EBF4: variants seen among roughly 807,000 people sequenced by gnomAD.
EBF4 encodes the protein EBF transcription factor 4, also known as transcription factor COE4.
Under a neutral mutation model 67.1 loss-of-function variants are expected in EBF4, and 34 were observed. That is an observed-to-expected ratio of 0.51 (90% CI 0.39 to 0.67). EBF4 has a LOEUF of 0.67. Among genes scored for constraint, EBF4 ranks in the 30% least tolerant of loss-of-function variants. The probability of loss-of-function intolerance (pLI) is 0.00; values close to 1 mark genes in which losing one functional copy is unlikely to be tolerated. For synonymous variants in EBF4, 387 were observed against 377.7 expected (o/e 1.02, Z -0.29); for missense variants, 837 against 873.3 (o/e 0.96, Z 0.52).
chr20:2,693,816 T>C lies in EBF4; in HGVS notation c.137+34T>C. 7.9e-7 allele frequency: 1 copy of C among 1,263,508 alleles called. No homozygotes were observed. The allele number at this position is 1,263,508 out of a possible 1,614,324, so 78.3% of individuals were successfully genotyped here. A position where few individuals can be genotyped will look rare whatever the true frequency, so the allele number is the denominator to read the frequency against. ...TCGGACCGGACCCGGTGCGCTCGGGTTGGACGGCTGCGCGCCGCCTCAGCT... is the reference window on the plus strand; with the variant it reads ...TCGGACCGGACCCGGTGCGCTCGGGCTGGACGGCTGCGCGCCGCCTCAGCT... On this transcript the variant is annotated intron_variant, in intron 1 of 16. Coordinates refer to ENST00000609451, the Ensembl canonical transcript of EBF4. This position sits in a 1 kb window ranked among gnomAD's most constrained non-coding sequence, Gnocchi z 4.6.
chr20:2,748,746 C>A (rs1215522149), intron 7 of EBF4, 116 bp downstream of exon 7: 4 of 1,214,952 alleles, frequency 3.3e-6, no homozygotes, highest in Admixed American at 2.1e-5. Flanking sequence ...CAAGGCAGAT[C>A]TCTGCCCAGC....
rs141247617 is a variant in EBF4, at chr20:2,748,662, C to T, written c.639+32C>T. 369 of 1,543,310 alleles carry T rather than the reference C, an allele frequency of 2.4e-4. 1 individual carries two copies. The African/African-American group carries it at 4.3e-3, about 18-fold the overall frequency. On this transcript the variant is annotated intron_variant, in intron 7 of 16. Transcript: ENST00000609451. ...CTGGAGAGAGGGTTTCCCCTTGCAA[C>T]CCCACCCTTTCCTGATGGAGGGGAG...
intron 6 of EBF4, among the ~76,000 whole-genome samples, chr20:2,721,785 C>G (rs2087684580): frequency 6.6e-6 from 1 of 152,158 alleles, no homozygotes; most frequent in African/African-American, 2.4e-5. Context: ...ACATATAAAA[C>G]ACAGTTATAA....
intron 14 of EBF4, among the ~76,000 whole-genome samples, chr20:2,754,478 G>A (rs1034251380): frequency 6.6e-6 from 1 of 152,274 alleles, no homozygotes; most frequent in East Asian, 1.9e-4. Flanking sequence ...GCCCTTCATC[G>A]GGCTCTGGGG....
chr20:2,721,394 A>G (rs998128743), intron 6 of EBF4, among the ~76,000 whole-genome samples: 1 of 151,776 alleles, frequency 6.6e-6, no homozygotes, highest in Admixed American at 6.6e-5. Context: ...AATCTCAGAC[A>G]TTGTAGTTTT....
At chr20:2,740,867 A>G (rs1223583874) in intron 6 of EBF4, among the ~76,000 whole-genome samples, 1 of 152,088 alleles carries the variant, frequency 6.6e-6, no homozygotes, top group Non-Finnish European at 1.5e-5. Flanking sequence ...GCTGTGGGCT[A>G]CTGGTGGGGA....
intron 5 of EBF4, among the ~76,000 whole-genome samples, chr20:2,709,359 C>A (rs2146393932): frequency 6.6e-6 from 1 of 152,204 alleles, no homozygotes; most frequent in South Asian, 2.1e-4. Flanking sequence ...CTCTGGCCAG[C>A]CTCATCCCCA....
intron 6 of EBF4, among the ~76,000 whole-genome samples, chr20:2,720,786 T>C (rs2087669591): frequency 6.6e-6 from 1 of 152,218 alleles, no homozygotes; most frequent in Admixed American, 6.5e-5. Context: ...TCAATTTTCT[T>C]AGGCCTGAAG....
At position 2,755,412 on chromosome 20, in the gene EBF4, C is replaced by G; in HGVS notation, c.1541-215C>G. 1 of 566,094 alleles carries G rather than the reference C, an allele frequency of 1.8e-6. No individual in the cohort carries two copies. The highest frequency in any genetic ancestry group is 3.0e-5 in the East Asian group (1 of 33,618). The allele number at this position is 566,094 out of a possible 1,614,324, so 35.1% of individuals were successfully genotyped here. A position where few individuals can be genotyped will look rare whatever the true frequency, so the allele number is the denominator to read the frequency against. ...TGCTTTTGTCTTTACCTGGTCTGGCCCTGTCATCCCCAGCCCCGAGAAAAG... is the reference window on the plus strand; with the variant it reads ...TGCTTTTGTCTTTACCTGGTCTGGCGCTGTCATCCCCAGCCCCGAGAAAAG... On this transcript the variant is annotated intron_variant, in intron 14 of 16. Coordinates refer to ENST00000609451, the Ensembl canonical transcript of EBF4. The surrounding 1 kb of genome is among the most constrained non-coding windows in gnomAD (Gnocchi z 4.7).
Position 2,751,851 on chromosome 20 carries a change from G to C in EBF4, c.1107+63G>C. 6.5e-7 allele frequency: 1 copy of C among 1,538,532 alleles called. No individual in the cohort carries two copies. Among genetic ancestry groups the C allele is most frequent in the Admixed American group, 2.0e-5 (1 of 50,916 alleles). ...TCCTGTGGGCAAGGGGGTGAGGAGGGGCTCCCGAGGGCCCCTTGGTCGCCC... is the reference window on the plus strand; with the variant it reads ...TCCTGTGGGCAAGGGGGTGAGGAGGCGCTCCCGAGGGCCCCTTGGTCGCCC... On this transcript the variant is annotated intron_variant, in intron 11 of 16. Transcript: ENST00000609451. The surrounding 1 kb of genome is among the most constrained non-coding windows in gnomAD (Gnocchi z 5.2).
chr20:2,748,991 C>A (rs1389401273), intron 7 of EBF4, among the ~76,000 whole-genome samples: 1 of 152,176 alleles, frequency 6.6e-6, no homozygotes, highest in Non-Finnish European at 1.5e-5. Context: ...AAGAAGGCAG[C>A]CCCAGTTTTC....
In EBF4 at chr20:2,755,427, C is replaced by G. The variant is rs1216308288; in HGVS notation, c.1541-200C>G. On this transcript the variant is annotated intron_variant, in intron 14 of 16. Transcript: ENST00000609451. The surrounding 1 kb of genome is among the most constrained non-coding windows in gnomAD (Gnocchi z 4.7). The stretch of plus-strand genomic sequence containing the variant: ...CTGGTCTGGCCCTGTCATCCCCAGC[C>G]CCGAGAAAAGGTCTCCAGAACCGCT... 3 of 576,686 alleles carry G rather than the reference C, an allele frequency of 5.2e-6. No individual in the cohort carries two copies. The highest frequency in any genetic ancestry group is 3.1e-6 in the Non-Finnish European group (1 of 324,082). 35.7% of individuals were successfully genotyped at this position (576,686 alleles called of 1,614,324 possible). A position where few individuals can be genotyped will look rare whatever the true frequency, so the allele number is the denominator to read the frequency against.
At chr20:2,715,206 A>G (rs2087592243) in intron 6 of EBF4, among the ~76,000 whole-genome samples, 1 of 152,138 alleles carries the variant, frequency 6.6e-6, no homozygotes, top group African/African-American at 2.4e-5. Context: ...CACAGATTGC[A>G]TAATCCTAAA....
At chr20:2,719,739 T>G (rs1272317246) in intron 6 of EBF4, among the ~76,000 whole-genome samples, 1 of 152,210 alleles carries the variant, frequency 6.6e-6, no homozygotes, top group South Asian at 2.1e-4. Context: ...TTGCATTGTT[T>G]GTCAGACAAC....
chr20:2,713,427 G>A (rs1308765609), intron 6 of EBF4, among the ~76,000 whole-genome samples: 1 of 152,178 alleles, frequency 6.6e-6, no homozygotes, highest in Non-Finnish European at 1.5e-5. Flanking sequence ...GATAAGGATA[G>A]AGAGGGAGAC....
At position 2,756,829 on chromosome 20, in the gene EBF4, A is replaced by C. The variant is rs2088251558; in HGVS notation, c.1738+1005A>C. Among the ~76,000 whole-genome samples the C allele has an allele frequency of 6.6e-6, 1 of 152,208 alleles. No individual in the cohort carries two copies. Among genetic ancestry groups the C allele is most frequent in the African/African-American group, 2.4e-5 (1 of 41,452 alleles). ...TTAGGAAAGAATCAGTGTTGAAATT[A>C]CGTAAGTGGCTACTGAAGAATTTGT... On this transcript the variant is annotated intron_variant, in intron 15 of 16. Transcript: ENST00000609451. This position sits in a 1 kb window ranked among gnomAD's most constrained non-coding sequence, Gnocchi z 4.5.
At chr20:2,742,570 C>T (rs1338921390) in intron 6 of EBF4, among the ~76,000 whole-genome samples, 6 of 152,168 alleles carry the variant, frequency 3.9e-5, no homozygotes, top group African/African-American at 1.4e-4. Flanking sequence ...GGAAGCCATG[C>T]CCTCCAAGAG....
intron 1 of EBF4, among the ~76,000 whole-genome samples, chr20:2,695,272 C>T (rs1443995005): frequency 2.6e-5 from 4 of 152,142 alleles, no homozygotes; most frequent in African/African-American, 4.8e-5. Context: ...TCTCTGCAAC[C>T]TTTCCCTCTG....
At chr20:2,693,487 G>C, upstream of EBF4, 1 of 883,132 alleles carries the variant, frequency 1.1e-6, no homozygotes, top group Non-Finnish European at 1.5e-6. This position sits in a 1 kb window ranked among gnomAD's most constrained non-coding sequence, Gnocchi z 4.6. Flanking sequence ...CGCTTTCTCC[G>C]AGGGAGCGCC....
Sources: gnomAD v4.1 joint callset for allele counts (sites outside exome capture counted in the v4.1 genomes callset) on GRCh38, gnomAD v4.1.1 for gene constraint, Gnocchi (gnomAD v3.1) non-coding constraint, MANE v1.5 for transcripts, NCBI Gene and HGNC (gene_info 2026-07-23, HGNC 2026-07-21) for gene names.